The following GRM7 variants were observed in gnomAD, a reference collection of about 807,000 sequenced individuals.
The protein encoded by GRM7 is glutamate metabotropic receptor 7.
Under a neutral mutation model 84.5 loss-of-function variants are expected in GRM7, and 35 were observed. The ratio of observed to expected loss-of-function variants is 0.41; its 90% CI spans 0.32 to 0.55. GRM7 has a LOEUF of 0.55. Among genes scored for constraint, GRM7 ranks in the 20% least tolerant of loss-of-function variants. GRM7 has a pLI of 0.19. For synonymous variants in GRM7, 487 were observed against 455.1 expected (o/e 1.07, Z -0.89); for missense variants, 1,003 against 1,194.6 (o/e 0.84, Z 2.36).
intron 5 of GRM7, among the ~76,000 whole-genome samples, chr3:7,438,367 A>G (rs538416796): frequency 6.6e-6 from 1 of 152,082 alleles, no homozygotes; most frequent in Admixed American, 6.6e-5. Flanking sequence ...ATATGGGGAA[A>G]TGAGAGCAAT....
intron 8 of GRM7, among the ~76,000 whole-genome samples, chr3:7,669,104 A>T (rs1314704173): frequency 1.3e-5 from 2 of 152,260 alleles, no homozygotes; most frequent in Non-Finnish European, 2.9e-5. Flanking sequence ...CACTTGTCAT[A>T]TCTTTTGCTG....
chr3:7,652,407 G>A (rs1698986444), intron 8 of GRM7, among the ~76,000 whole-genome samples: 3 of 152,212 alleles, frequency 2.0e-5, no homozygotes, highest in African/African-American at 7.2e-5. Context: ...ACCCGGCAAA[G>A]AGCATTTGTT....
At chr3:7,404,043 A>G (rs569819581) in intron 4 of GRM7, among the ~76,000 whole-genome samples, 89 of 152,276 alleles carry the variant, frequency 5.8e-4, no homozygotes, top group African/African-American at 2.1e-3. Context: ...GCCCAACAGT[A>G]GAATCTTTGA....
chr3:7,558,332 T>G (rs1044474024), intron 7 of GRM7, among the ~76,000 whole-genome samples: 1 of 151,586 alleles, frequency 6.6e-6, no homozygotes, highest in African/African-American at 2.4e-5. Flanking sequence ...GAAAAGCAAA[T>G]CCTTTTTTGA....
Position 7,329,900 on chromosome 3 carries a change from AATTT to A in GRM7, c.1033+23249_1033+23252del, listed in dbSNP as rs1330940744. ...GTGTTTTATTATAGAGAAATATATT[AATTT>A]TCCAGTTGTGTAGATGGCATATGGA... On this transcript the variant is annotated intron_variant, in intron 4 of 9. Coordinates refer to ENST00000357716, the MANE Select transcript of GRM7 (RefSeq NM_000844.4). Among the ~76,000 whole-genome samples, 6 of 152,258 alleles carry A rather than the reference AATTT, an allele frequency of 3.9e-5. No homozygotes were observed. The South Asian group carries it at 6.2e-4, about 16-fold the overall frequency.
intron 4 of GRM7, among the ~76,000 whole-genome samples, chr3:7,320,638 A>G (rs945476216): frequency 2.0e-5 from 3 of 150,012 alleles, no homozygotes; most frequent in Admixed American, 6.7e-5. Context: ...ACAAGGTACC[A>G]TATTTTGGGG....
chr3:7,630,724 G>A (rs867605862), intron 8 of GRM7, among the ~76,000 whole-genome samples: 6 of 152,132 alleles, frequency 3.9e-5, no homozygotes, highest in African/African-American at 4.8e-5. Context: ...CTCAAAAACC[G>A]TTAAGCATGT....
intron 9 of GRM7, among the ~76,000 whole-genome samples, chr3:7,723,839 C>A (rs1308598820): frequency 1.3e-5 from 2 of 152,010 alleles, no homozygotes; most frequent in East Asian, 3.9e-4. Flanking sequence ...AGAGTGAGAG[C>A]ACCCCACCCC....
intron 1 of GRM7, among the ~76,000 whole-genome samples, chr3:6,890,128 C>G (rs1248735168): frequency 6.6e-6 from 1 of 151,642 alleles, no homozygotes. Flanking sequence ...TCTCTTTTTT[C>G]TTTATTAGTC....
intron 4 of GRM7, among the ~76,000 whole-genome samples, chr3:7,326,891 A>G (rs1261026374): frequency 6.6e-6 from 1 of 151,964 alleles, no homozygotes; most frequent in East Asian, 1.9e-4. Flanking sequence ...CCTCACCACT[A>G]TAATTCCTTA....
At chr3:7,436,163 C>A (rs1313399676) in intron 5 of GRM7, among the ~76,000 whole-genome samples, 3 of 152,016 alleles carry the variant, frequency 2.0e-5, no homozygotes, top group South Asian at 2.1e-4. Flanking sequence ...ATTTTATTAA[C>A]CTTATAAAAA....
Position 7,313,651 on chromosome 3 carries a change from T to G in GRM7, c.1033+6999T>G, listed in dbSNP as rs577234449. On this transcript the variant is annotated intron_variant, in intron 4 of 9. Coordinates refer to ENST00000357716, the MANE Select transcript of GRM7 (RefSeq NM_000844.4). Reference sequence around the variant, plus strand: ...AGGAGTATAAGTCATTACTGTAGAGTGAAAGTTCAGATAGCTTCAAGACAG... The same window carrying G: ...AGGAGTATAAGTCATTACTGTAGAGGGAAAGTTCAGATAGCTTCAAGACAG... 2.0e-4 allele frequency among the ~76,000 whole-genome samples: 30 copies of G among 152,204 alleles called. No individual in the cohort carries two copies. In the South Asian group the frequency reaches 5.2e-3, roughly 26 times the overall value.
At chr3:7,038,980 C>T (rs768315227) in intron 1 of GRM7, among the ~76,000 whole-genome samples, 2 of 152,116 alleles carry the variant, frequency 1.3e-5, no homozygotes, top group African/African-American at 2.4e-5. Flanking sequence ...TTCTCAGGCT[C>T]CATCCCAGAC....
chr3:7,678,376 C>T (rs1700222010), intron 8 of GRM7, among the ~76,000 whole-genome samples: 1 of 152,080 alleles, frequency 6.6e-6, no homozygotes, highest in South Asian at 2.1e-4. Flanking sequence ...AACCTAAGAT[C>T]CCATAGGTTT....
At chr3:7,668,729 TG>T (rs1478038961) in intron 8 of GRM7, among the ~76,000 whole-genome samples, 2 of 152,070 alleles carry the variant, frequency 1.3e-5, no homozygotes, top group Non-Finnish European at 1.5e-5. Context: ...GAAGACAGAG[TG>T]GCTGTGGGGA....
At chr3:7,488,992 G>T (rs1249733238) in intron 7 of GRM7, among the ~76,000 whole-genome samples, 4 of 152,040 alleles carry the variant, frequency 2.6e-5, no homozygotes, top group African/African-American at 9.7e-5. Flanking sequence ...TCCACAACAA[G>T]TAGTAATTCT....
intron 4 of GRM7, among the ~76,000 whole-genome samples, chr3:7,366,053 A>T (rs1413965712): frequency 6.6e-6 from 1 of 151,646 alleles, no homozygotes; most frequent in Non-Finnish European, 1.5e-5. Flanking sequence ...ACTTTTGTGG[A>T]CTGTGAGATC....
intron 9 of GRM7, 74 bp from the exon 10 acceptor site, chr3:7,740,283 A>G (rs945753963): frequency 1.0e-6 from 1 of 979,108 alleles, no homozygotes; most frequent in Non-Finnish European, 1.6e-6. Flanking sequence ...CCTCAAGTGA[A>G]AAGTTCTAAT....
Position 7,134,935 on chromosome 3 carries a change from C to T in GRM7, c.520-11517C>T, listed in dbSNP as rs568985072. ...CATATGCTATAACAAATATAACTTG[C>T]GATCCACACACAAAACTACTTGGAT... On this transcript the variant is annotated intron_variant, in intron 1 of 9. Coordinates refer to ENST00000357716, the MANE Select transcript of GRM7 (RefSeq NM_000844.4). 2.1e-4 allele frequency among the ~76,000 whole-genome samples: 32 copies of T among 150,148 alleles called. No individual in the cohort carries two copies. The South Asian group carries it at 5.8e-3, about 27-fold the overall frequency.
Sources: allele counts gnomAD v4.1 joint callset (sites outside exome capture counted in the v4.1 genomes callset), GRCh38; gene constraint gnomAD v4.1.1; transcripts MANE v1.5; gene names NCBI Gene and HGNC (gene_info 2026-07-23, HGNC 2026-07-21).